The following ADAMTSL1 variants were observed in gnomAD, a reference collection of about 807,000 sequenced individuals.
ADAMTSL1 encodes the protein ADAMTS-like protein 1.
Under a neutral mutation model 201.8 loss-of-function variants are expected in ADAMTSL1, and 126 were observed. The observed-to-expected ratio is 0.62, with a 90% CI of 0.54 to 0.72. The LOEUF (loss-of-function observed/expected upper bound fraction) is 0.72. Ranked by LOEUF, ADAMTSL1 falls within the 30% of genes least tolerant of loss-of-function variation. The pLI is 0.00. For missense variants in ADAMTSL1, 2,679 were observed against 2,277.8 expected, an observed-to-expected ratio of 1.18 and a Z score of -3.59; for synonymous variants, 1,121 against 903.4, an observed-to-expected ratio of 1.24 and a Z score of -4.32.
In ADAMTSL1 at chr9:17,916,012, T is replaced by C. The variant is rs183909218; in HGVS notation, c.87+9090T>C. ...TTGGCTCACTGAAACCTCCACCTTC[T>C]GTGTTCAAACAATTCTCATGCTTCT... On this transcript the variant is annotated intron_variant, in intron 1 of 29. Transcript: ENST00000680146. Among the ~76,000 whole-genome samples, 427 of 152,318 alleles carry C rather than the reference T, an allele frequency of 2.8e-3. 2 individuals carry two copies. Among genetic ancestry groups the C allele is most frequent in the Admixed American group, 5.6e-3 (86 of 15,298 alleles).
Position 18,029,006 on chromosome 9 carries a change from T to C in ADAMTSL1, c.87+122084T>C, listed in dbSNP as rs924015377. Reference sequence around the variant, plus strand: ...CTTGTAAGATGGATTCCTAGGTATTTTATTCTCTTTGAAGCAATTGTGAAT... The same window carrying C: ...CTTGTAAGATGGATTCCTAGGTATTCTATTCTCTTTGAAGCAATTGTGAAT... On this transcript the variant is annotated intron_variant, in intron 1 of 29. Transcript: ENST00000680146. Among the ~76,000 whole-genome samples, 10 of 152,320 alleles carry C rather than the reference T, an allele frequency of 6.6e-5. 1 individual carries two copies. Among genetic ancestry groups the C allele is most frequent in the African/African-American group, 2.4e-4 (10 of 41,572 alleles).
At chr9:18,819,414 C>A (rs1453278596) in intron 21 of ADAMTSL1, among the ~76,000 whole-genome samples, 1 of 149,576 alleles carries the variant, frequency 6.7e-6, no homozygotes, top group Non-Finnish European at 1.5e-5. Context: ...CGAGATCGAA[C>A]CACTGCACTC....
chr9:18,109,271 G>C (rs1824898791), intron 1 of ADAMTSL1, among the ~76,000 whole-genome samples: 1 of 152,054 alleles, frequency 6.6e-6, no homozygotes, highest in Non-Finnish European at 1.5e-5. Context: ...TCATTGTAAG[G>C]AGACTGGGGA....
At chr9:18,233,494 T>C (rs4961629) in intron 2 of ADAMTSL1, among the ~76,000 whole-genome samples, 151,221 of 152,218 alleles carry the variant, frequency 0.99, 75,125 homozygotes, top group Middle Eastern at 1. Flanking sequence ...CTCATTCATC[T>C]AATATATCGG....
chr9:18,585,931 A>G (rs1239908346), intron 4 of ADAMTSL1, among the ~76,000 whole-genome samples: 1 of 152,154 alleles, frequency 6.6e-6, no homozygotes, highest in Non-Finnish European at 1.5e-5. Context: ...ATATTGAAGG[A>G]AAATACCCTA....
At chr9:18,333,363 C>T (rs1310202944) in intron 2 of ADAMTSL1, among the ~76,000 whole-genome samples, 1 of 152,100 alleles carries the variant, frequency 6.6e-6, no homozygotes, top group Admixed American at 6.6e-5. Flanking sequence ...TCTGGCATTT[C>T]CCCTGCTGGC....
intron 25 of ADAMTSL1, among the ~76,000 whole-genome samples, chr9:18,891,827 C>G (rs896196742): frequency 6.6e-6 from 1 of 152,240 alleles, no homozygotes; most frequent in Non-Finnish European, 1.5e-5. Flanking sequence ...GAACAACTGT[C>G]TCTCCTGTCA....
At chr9:18,147,765 C>T (rs540023519) in intron 1 of ADAMTSL1, among the ~76,000 whole-genome samples, 3 of 152,178 alleles carry the variant, frequency 2.0e-5, no homozygotes, top group South Asian at 2.1e-4. Flanking sequence ...ATTGATTGAG[C>T]TTCAGGGTTC....
chr9:17,929,060 A>C (rs568484798), intron 1 of ADAMTSL1, among the ~76,000 whole-genome samples: 1 of 152,060 alleles, frequency 6.6e-6, no homozygotes, highest in Non-Finnish European at 1.5e-5. Context: ...GGATTACATG[A>C]TCTAGTGGGT....
At chr9:18,908,341 T>C (rs1215952155) in intron 28 of ADAMTSL1, 101 bp from the exon 29 acceptor site, 1 of 981,450 alleles carries the variant, frequency 1.0e-6, no homozygotes, top group Non-Finnish European at 1.6e-6. Context: ...TGTACCCCAG[T>C]GGCTGAAACC....
At chr9:18,567,720 T>C (rs1822010599) in intron 3 of ADAMTSL1, among the ~76,000 whole-genome samples, 1 of 152,156 alleles carries the variant, frequency 6.6e-6, no homozygotes, top group East Asian at 1.9e-4. Flanking sequence ...CTATAGATAC[T>C]AACACAAATA....
At chr9:18,170,226 T>A (rs1017161923) in intron 2 of ADAMTSL1, among the ~76,000 whole-genome samples, 2 of 152,086 alleles carry the variant, frequency 1.3e-5, no homozygotes, top group Admixed American at 6.6e-5. Flanking sequence ...TCACATTTTC[T>A]GATTTTACTT....
Position 18,522,924 on chromosome 9 carries a change from A to C in ADAMTSL1, c.192-10323A>C, listed in dbSNP as rs541417274. Among the ~76,000 whole-genome samples, 10 of 152,298 alleles carry C rather than the reference A, an allele frequency of 6.6e-5. No homozygotes were observed. In the South Asian group the frequency reaches 1.0e-3, roughly 16 times the overall value. On this transcript the variant is annotated intron_variant, in intron 2 of 28. Coordinates refer to ENST00000380548, the MANE Select transcript of ADAMTSL1 (RefSeq NM_001040272.6). ...ATATGTGTGCATGTGTCTTTATAGC[A>C]GTATGATTTATAATCCTTTGGGTAT...
At chr9:18,077,187 T>G (rs9987765) in intron 1 of ADAMTSL1, among the ~76,000 whole-genome samples, 52,981 of 151,676 alleles carry the variant, frequency 0.35, 9,951 homozygotes, top group Non-Finnish European at 0.43. Flanking sequence ...TGATAGCATA[T>G]AAAAGTCTGA....
At chr9:18,417,206 G>T (rs920499103) in intron 2 of ADAMTSL1, among the ~76,000 whole-genome samples, 1 of 151,672 alleles carries the variant, frequency 6.6e-6, no homozygotes, top group African/African-American at 2.4e-5. Flanking sequence ...AAATTATAAC[G>T]TATTTTGAAC....
At chr9:18,241,428 A>T (rs1288046813) in intron 2 of ADAMTSL1, among the ~76,000 whole-genome samples, 1 of 152,028 alleles carries the variant, frequency 6.6e-6, no homozygotes, top group Non-Finnish European at 1.5e-5. Context: ...TCCATCAATG[A>T]TATCTTGTCC....
At chr9:18,423,958 C>G (rs1294676481) in intron 2 of ADAMTSL1, among the ~76,000 whole-genome samples, 1 of 152,196 alleles carries the variant, frequency 6.6e-6, no homozygotes, top group Non-Finnish European at 1.5e-5. Flanking sequence ...ATCCCACAGG[C>G]TAATGGGCAG....
At chr9:17,994,121 T>TGTGTGTGTG (rs3085375) in intron 1 of ADAMTSL1, among the ~76,000 whole-genome samples, 1 of 151,858 alleles carries the variant, frequency 6.6e-6, no homozygotes, top group African/African-American at 2.4e-5. Context: ...TGTGTGTGTG[T>TGTGTGTGTG]TTCTATATAG....
In ADAMTSL1 at chr9:18,210,222, A is replaced by T. The variant is rs201498636; in HGVS notation, c.207+46241A>T. ...CTTTCTTTCCTTTCTCTTTCCCTCC[A>T]AATATAAAGTATAAATATAAAATAT... On this transcript the variant is annotated intron_variant, in intron 2 of 29. Transcript: ENST00000680146. Among the ~76,000 whole-genome samples the T allele has an allele frequency of 5.3e-5, 8 of 151,614 alleles. No individual in the cohort carries two copies. In the East Asian group the frequency reaches 1.4e-3, roughly 26 times the overall value.
Sources: gnomAD v4.1 joint callset for allele counts (sites outside exome capture counted in the v4.1 genomes callset) on GRCh38, gnomAD v4.1.1 for gene constraint, MANE v1.5 for transcripts, NCBI Gene and HGNC (gene_info 2026-07-23, HGNC 2026-07-21) for gene names.